Variants in SPTLC2 observed in about 807,000 individuals in gnomAD.
SPTLC2 encodes serine palmitoyltransferase 2.
In SPTLC2, 21 loss-of-function variants were observed where a neutral mutation model predicts 62.0. The ratio of observed to expected loss-of-function variants is 0.34; its 90% CI spans 0.24 to 0.49. The LOEUF (loss-of-function observed/expected upper bound fraction) is 0.49, where lower values mean the gene tolerates loss of function less well. Ranked by LOEUF, SPTLC2 falls within the 20% of genes least tolerant of loss-of-function variation. The pLI is 0.99. For synonymous variants in SPTLC2, 261 were observed against 261.8 expected (o/e 1.00, Z 0.03); for missense variants, 511 against 713.0 (o/e 0.72, Z 3.23).
intron 5 of SPTLC2, among the ~76,000 whole-genome samples, chr14:77,564,792 A>C (rs1336546160): frequency 2.0e-5 from 3 of 152,204 alleles, no homozygotes; most frequent in Admixed American, 1.3e-4. Context: ...AACAAAAAAG[A>C]AGCAATTGTG....
chr14:77,517,923 CCT>C, intron 11 of SPTLC2, 113 bp downstream of exon 11: 7 of 1,527,212 alleles, frequency 4.6e-6, no homozygotes, highest in East Asian at 2.3e-5. Context: ...ACTGTCACCC[CCT>C]CTGTCTTAGG....
intron 1 of SPTLC2, among the ~76,000 whole-genome samples, chr14:77,614,094 T>G (rs2079952046): frequency 1.3e-5 from 2 of 152,162 alleles, no homozygotes; most frequent in Non-Finnish European, 2.9e-5. Context: ...GTGCCTTGAG[T>G]GAAACTTTTA....
At chr14:77,512,919 T>G (rs1388480989) in intron 11 of SPTLC2, among the ~76,000 whole-genome samples, 2 of 151,710 alleles carry the variant, frequency 1.3e-5, no homozygotes, top group East Asian at 3.9e-4. Flanking sequence ...TTTCACCATG[T>G]TGGCCAGGCT....
chr14:77,609,289 A>G (rs2079922197), intron 1 of SPTLC2, among the ~76,000 whole-genome samples: 1 of 152,212 alleles, frequency 6.6e-6, no homozygotes, highest in Admixed American at 6.5e-5. Flanking sequence ...CTATATAAAC[A>G]CATGGCCATA....
At chr14:77,602,783 A>T (rs2140060605) in intron 1 of SPTLC2, among the ~76,000 whole-genome samples, 1 of 152,290 alleles carries the variant, frequency 6.6e-6, no homozygotes, top group South Asian at 2.1e-4. Context: ...TACATTGCCC[A>T]GGCTGGTCTC....
intron 1 of SPTLC2, among the ~76,000 whole-genome samples, chr14:77,610,555 G>C (rs2079929681): frequency 6.6e-6 from 1 of 152,058 alleles, no homozygotes. Flanking sequence ...CTTAGTGCTG[G>C]GATTACAGGT....
At chr14:77,521,019 C>T (rs780452133) in intron 10 of SPTLC2, among the ~76,000 whole-genome samples, 8 of 152,228 alleles carry the variant, frequency 5.3e-5, no homozygotes, top group Non-Finnish European at 8.8e-5. Flanking sequence ...CCCTGACCAC[C>T]CTATTTAATA....
chr14:77,516,777 T>C (rs75562039), intron 11 of SPTLC2, among the ~76,000 whole-genome samples: 3 of 152,242 alleles, frequency 2.0e-5, no homozygotes, highest in Non-Finnish European at 2.9e-5. Context: ...ACAGATCTCA[T>C]GTTAAGTGTT....
At chr14:77,566,722 A>G (rs2079647201) in intron 5 of SPTLC2, among the ~76,000 whole-genome samples, 1 of 152,120 alleles carries the variant, frequency 6.6e-6, no homozygotes, top group Admixed American at 6.5e-5. Flanking sequence ...GGCCTCCCAA[A>G]GTCCTGGGAT....
At chr14:77,585,184 C>G (rs1411418500) in intron 2 of SPTLC2, among the ~76,000 whole-genome samples, 1 of 152,186 alleles carries the variant, frequency 6.6e-6, no homozygotes, top group East Asian at 1.9e-4. Context: ...CTTGAATGAC[C>G]TACAGTGTTT....
intron 6 of SPTLC2, among the ~76,000 whole-genome samples, chr14:77,557,741 C>T (rs1325426051): frequency 1.3e-5 from 2 of 152,164 alleles, no homozygotes; most frequent in African/African-American, 4.8e-5. Flanking sequence ...TTAAGCAAGC[C>T]TGACAATCAG....
intron 11 of SPTLC2, among the ~76,000 whole-genome samples, chr14:77,516,367 A>G (rs2079359937): frequency 6.6e-6 from 1 of 152,212 alleles, no homozygotes; most frequent in Admixed American, 6.5e-5. Flanking sequence ...CAGTTCTCAG[A>G]AGTCAAAGTT....
chr14:77,605,455 T>C (rs184196394), intron 1 of SPTLC2, among the ~76,000 whole-genome samples: 1 of 152,310 alleles, frequency 6.6e-6, no homozygotes, highest in Admixed American at 6.5e-5. Context: ...TTCAAATAAA[T>C]AAATGGCTTT....
At chr14:77,592,081 A>C (rs1349345158) in intron 2 of SPTLC2, among the ~76,000 whole-genome samples, 1 of 151,922 alleles carries the variant, frequency 6.6e-6, no homozygotes. Context: ...CAAACCAAAC[A>C]ATCAATCCCC....
At chr14:77,603,159 C>A (rs574952736) in intron 1 of SPTLC2, among the ~76,000 whole-genome samples, 1 of 152,292 alleles carries the variant, frequency 6.6e-6, no homozygotes, top group South Asian at 2.1e-4. Context: ...GATATGAATA[C>A]AAAATCACAA....
chr14:77,535,040 G>A (rs980327174), intron 9 of SPTLC2, among the ~76,000 whole-genome samples: 14 of 152,098 alleles, frequency 9.2e-5, no homozygotes, highest in Admixed American at 5.9e-4. Context: ...CGATTCTCCT[G>A]CCTCAGCCTC....
intron 2 of SPTLC2, among the ~76,000 whole-genome samples, chr14:77,592,101 G>A (rs1013550553): frequency 1.3e-5 from 2 of 151,118 alleles, no homozygotes; most frequent in African/African-American, 4.9e-5. Context: ...CTAGCTTAAT[G>A]CACCAAAATG....
intron 5 of SPTLC2, among the ~76,000 whole-genome samples, chr14:77,565,070 T>C (rs536280794): frequency 2.6e-5 from 4 of 151,386 alleles, no homozygotes; most frequent in African/African-American, 9.7e-5. Flanking sequence ...TGAAACCCCA[T>C]CTCTACTAAG....
chr14:77,534,134 G>A (rs748017889), intron 9 of SPTLC2, among the ~76,000 whole-genome samples: 1 of 150,624 alleles, frequency 6.6e-6, no homozygotes, highest in African/African-American at 2.4e-5. Flanking sequence ...CTACAGCCTG[G>A]ACAACAGAAT....
Sources: gnomAD v4.1 joint callset for allele counts (sites outside exome capture counted in the v4.1 genomes callset) on GRCh38, gnomAD v4.1.1 for gene constraint, MANE v1.5 for transcripts, NCBI Gene and HGNC (gene_info 2026-07-23, HGNC 2026-07-21) for gene names.